SOX5: variants seen among roughly 807,000 people sequenced by gnomAD.
SOX5 encodes SRY-box transcription factor 5.
In SOX5, 9 loss-of-function variants were observed where a neutral mutation model predicts 92.0. The observed-to-expected ratio is 0.10, with a 90% CI of 0.06 to 0.17. SOX5 has a LOEUF of 0.17. Ranked by LOEUF, SOX5 falls within the 10% of genes least tolerant of loss-of-function variation. The probability of loss-of-function intolerance (pLI) is 1.00; values close to 1 mark genes in which losing one functional copy is unlikely to be tolerated. For missense variants in SOX5, 642 were observed against 944.5 expected, an observed-to-expected ratio of 0.68 and a Z score of 4.20; for synonymous variants, 344 against 336.3, an observed-to-expected ratio of 1.02 and a Z score of -0.25.
intron 4 of SOX5, among the ~76,000 whole-genome samples, chr12:24,070,012 T>A (rs764465740): frequency 1.1e-4 from 16 of 152,206 alleles, no homozygotes; most frequent in South Asian, 6.2e-4. Flanking sequence ...GTTAAATCTG[T>A]CAACAACCGG....
At chr12:24,348,486 G>C (rs139957356) in intron 2 of SOX5, among the ~76,000 whole-genome samples, 16 of 152,126 alleles carry the variant, frequency 1.1e-4, no homozygotes, top group African/African-American at 3.9e-4. Context: ...AGGTTCAAGT[G>C]ATTCTCCTGC....
intron 2 of SOX5, among the ~76,000 whole-genome samples, chr12:24,282,670 T>G (rs1387194904): frequency 6.6e-6 from 1 of 152,202 alleles, no homozygotes; most frequent in Admixed American, 6.5e-5. Flanking sequence ...GCTTTACACT[T>G]AGATCCATTA....
chr12:23,538,618 T>C (rs1001743922), intron 13 of SOX5, among the ~76,000 whole-genome samples: 4 of 152,198 alleles, frequency 2.6e-5, no homozygotes, highest in Admixed American at 2.0e-4. Flanking sequence ...ACCGTTTTCA[T>C]TGAGTTTCTT....
chr12:24,368,284 T>G (rs1375859173), intron 2 of SOX5: 2 of 152,214 alleles, frequency 1.3e-5, no homozygotes, highest in Non-Finnish European at 2.9e-5. Flanking sequence ...TACACACAAG[T>G]GTAGGAAGTA....
intron 2 of SOX5, among the ~76,000 whole-genome samples, chr12:24,311,763 A>G (rs974103502): frequency 1.2e-4 from 19 of 152,202 alleles, no homozygotes; most frequent in African/African-American, 4.6e-4. Context: ...ACATCTGGCC[A>G]GTCATAGTAT....
At chr12:23,873,351 C>T (rs2096894532) in intron 2 of SOX5, among the ~76,000 whole-genome samples, 1 of 152,054 alleles carries the variant, frequency 6.6e-6, no homozygotes, top group Non-Finnish European at 1.5e-5. Context: ...TACACACCTG[C>T]AGCCCCAGCT....
chr12:24,307,226 C>T (rs1948667378), intron 2 of SOX5, among the ~76,000 whole-genome samples: 1 of 152,116 alleles, frequency 6.6e-6, no homozygotes, highest in South Asian at 2.1e-4. Context: ...CTGAAAGAGG[C>T]ATTATTTTTC....
At chr12:23,857,371 T>C (rs1037323096) in intron 2 of SOX5, among the ~76,000 whole-genome samples, 3 of 152,160 alleles carry the variant, frequency 2.0e-5, no homozygotes, top group African/African-American at 4.8e-5. Context: ...CTCCACTGAA[T>C]AGGAAACTGT....
intron 3 of SOX5, among the ~76,000 whole-genome samples, chr12:23,826,137 TA>T (rs2096228606): frequency 2.0e-5 from 3 of 152,096 alleles, no homozygotes; most frequent in Admixed American, 6.6e-5. Context: ...ACTCGTCATT[TA>T]ACATTAGGTA....
intron 2 of SOX5, among the ~76,000 whole-genome samples, chr12:24,329,233 C>T (rs1001855804): frequency 6.6e-6 from 1 of 152,010 alleles, no homozygotes; most frequent in Admixed American, 6.6e-5. Flanking sequence ...AGATACTACC[C>T]GAGACTCGGT....
intron 12 of SOX5, among the ~76,000 whole-genome samples, chr12:23,545,191 A>G (rs933082888): frequency 3.3e-5 from 5 of 152,194 alleles, no homozygotes; most frequent in African/African-American, 1.2e-4. Context: ...AGTTGTGTAT[A>G]TTGGAGGATT....
At chr12:23,575,527 G>A in intron 10 of SOX5, 134 bp downstream of exon 10, 1 of 728,150 alleles carries the variant, frequency 1.4e-6, no homozygotes, top group Non-Finnish European at 2.3e-6. Context: ...AACGGACCTA[G>A]GTGGTTCCTC....
At chr12:24,475,102 GT>G (rs1945222075) in intron 1 of SOX5, among the ~76,000 whole-genome samples, 2 of 152,092 alleles carry the variant, frequency 1.3e-5, no homozygotes, top group Admixed American at 1.3e-4. Context: ...GCCTCCCAAA[GT>G]GCTGGGATTA....
intron 4 of SOX5, among the ~76,000 whole-genome samples, chr12:23,747,110 T>C (rs2094011638): frequency 6.6e-6 from 1 of 152,104 alleles, no homozygotes; most frequent in Admixed American, 6.6e-5. Context: ...AACAGACTAA[T>C]ACACCATCCA....
intron 4 of SOX5, among the ~76,000 whole-genome samples, chr12:23,962,047 T>C (rs1463962394): frequency 2.0e-5 from 3 of 152,194 alleles, no homozygotes; most frequent in African/African-American, 4.8e-5. Context: ...TTTCACATAA[T>C]GGTAGAGCAT....
chr12:23,719,013 A>G (rs938034591), intron 6 of SOX5, among the ~76,000 whole-genome samples: 3 of 152,180 alleles, frequency 2.0e-5, no homozygotes, highest in African/African-American at 7.2e-5. Flanking sequence ...AGAGTGGGTA[A>G]AGTTATAGCA....
intron 4 of SOX5, among the ~76,000 whole-genome samples, chr12:24,106,794 TAA>T (rs1219121016): frequency 4.7e-4 from 4 of 8,572 alleles, no homozygotes; most frequent in African/African-American, 7.6e-4. Flanking sequence ...TCGTCTCAAA[TAA>T]TAATAATAAT....
intron 2 of SOX5, among the ~76,000 whole-genome samples, chr12:23,854,464 T>C (rs1451956200): frequency 1.3e-5 from 2 of 152,052 alleles, no homozygotes; most frequent in Non-Finnish European, 1.5e-5. Flanking sequence ...TATATAATTG[T>C]ATAATCTAGG....
chr12:24,516,043 C>CTT (rs375642823), intron 1 of SOX5, among the ~76,000 whole-genome samples: 7 of 138,784 alleles, frequency 5.0e-5, no homozygotes, highest in African/African-American at 1.1e-4. Context: ...TTTTCTTTTC[C>CTT]TTTTTTTTTT....
Sources: gnomAD v4.1 joint callset for allele counts (sites outside exome capture counted in the v4.1 genomes callset) on GRCh38, gnomAD v4.1.1 for gene constraint, MANE v1.5 for transcripts, NCBI Gene and HGNC (gene_info 2026-07-23, HGNC 2026-07-21) for gene names.